The following CLVS2 variants were observed in gnomAD, a reference collection of about 807,000 sequenced individuals.
The protein encoded by CLVS2 is clavesin 2, also known as clavesin-2.
In CLVS2, 19 loss-of-function variants were observed where a neutral mutation model predicts 29.0. The observed-to-expected ratio is 0.66, with a 90% CI of 0.46 to 0.96. The LOEUF (loss-of-function observed/expected upper bound fraction) is 0.96. CLVS2 is among the 40% of genes least tolerant of loss of function. The pLI, the probability that CLVS2 is intolerant of heterozygous loss-of-function variation, is 0.00. For missense variants in CLVS2, 294 were observed against 404.1 expected (o/e 0.73, Z 2.34); for synonymous variants, 161 against 151.3 (o/e 1.06, Z -0.47).
intron 3 of CLVS2, among the ~76,000 whole-genome samples, chr6:123,025,530 G>T (rs937034508): frequency 2.6e-5 from 4 of 152,134 alleles, no homozygotes. Flanking sequence ...AACTGTAATG[G>T]ATAGTGCGGT....
intron 2 of CLVS2, among the ~76,000 whole-genome samples, chr6:123,001,029 G>C: frequency 6.6e-6 from 1 of 152,170 alleles, no homozygotes; most frequent in East Asian, 1.9e-4. Context: ...CTAACAAAAA[G>C]ACTGTCATGT....
At chr6:123,009,388 C>T (rs1170644068) in intron 2 of CLVS2, among the ~76,000 whole-genome samples, 1 of 152,124 alleles carries the variant, frequency 6.6e-6, no homozygotes, top group Non-Finnish European at 1.5e-5. Context: ...CTGTTCCAAA[C>T]TGCTGATTTT....
intron 5 of CLVS2, among the ~76,000 whole-genome samples, chr6:123,058,460 A>AT (rs1261799357): frequency 6.6e-6 from 1 of 151,858 alleles, no homozygotes; most frequent in Non-Finnish European, 1.5e-5. Flanking sequence ...ACGTGAGCAC[A>AT]TTTTTCTCTG....
chr6:123,010,304 T>C (rs1194536010), intron 2 of CLVS2, among the ~76,000 whole-genome samples: 1 of 152,030 alleles, frequency 6.6e-6, no homozygotes, highest in African/African-American at 2.4e-5. Flanking sequence ...AGAGCATTTA[T>C]TGGGTTACTG....
chr6:123,003,778 T>A (rs1454873861), intron 2 of CLVS2, among the ~76,000 whole-genome samples: 1 of 152,194 alleles, frequency 6.6e-6, no homozygotes, highest in Non-Finnish European at 1.5e-5. Context: ...TGGGGACAGG[T>A]GGGCAGCTGT....
intron 2 of CLVS2, among the ~76,000 whole-genome samples, chr6:123,010,409 T>C (rs975441472): frequency 1.3e-5 from 2 of 151,886 alleles, no homozygotes; most frequent in African/African-American, 2.4e-5. Flanking sequence ...ATTAGGATGG[T>C]TTGTATTATT....
intron 5 of CLVS2, among the ~76,000 whole-genome samples, chr6:123,061,193 TG>T (rs1228630323): frequency 6.6e-6 from 1 of 151,818 alleles, no homozygotes; most frequent in East Asian, 1.9e-4. Context: ...CCTGGCTACT[TG>T]GGGGAGGTGG....
intron 3 of CLVS2, among the ~76,000 whole-genome samples, chr6:123,042,342 G>C (rs765748633): frequency 6.6e-6 from 1 of 152,008 alleles, no homozygotes; most frequent in East Asian, 1.9e-4. Flanking sequence ...ATTTATTATT[G>C]CTTTCCTACA....
chr6:123,007,309 G>A (rs1385576371), intron 2 of CLVS2, among the ~76,000 whole-genome samples: 1 of 152,104 alleles, frequency 6.6e-6, no homozygotes, highest in African/African-American at 2.4e-5. Context: ...ATTTTTAAAA[G>A]AGAAAAGGGA....
chr6:123,045,367 G>T (rs1772472060), intron 3 of CLVS2, among the ~76,000 whole-genome samples: 1 of 152,032 alleles, frequency 6.6e-6, no homozygotes, highest in Non-Finnish European at 1.5e-5. Context: ...TGGTTTTGAG[G>T]CCACATCCCT....
At chr6:123,007,292 TATC>T (rs1268860703) in intron 2 of CLVS2, among the ~76,000 whole-genome samples, 1 of 152,186 alleles carries the variant, frequency 6.6e-6, no homozygotes, top group Non-Finnish European at 1.5e-5. Flanking sequence ...TAACTATTAT[TATC>T]ATCATTTTTA....
intron 2 of CLVS2, among the ~76,000 whole-genome samples, chr6:123,001,572 C>G (rs143976792): frequency 6.6e-6 from 1 of 152,160 alleles, no homozygotes; most frequent in Non-Finnish European, 1.5e-5. Flanking sequence ...TTTCTGACAA[C>G]AAAAGTAAAT....
At chr6:123,003,119 C>A (rs1191715732) in intron 2 of CLVS2, among the ~76,000 whole-genome samples, 1 of 152,162 alleles carries the variant, frequency 6.6e-6, no homozygotes, top group Non-Finnish European at 1.5e-5. Flanking sequence ...AGGACAATCT[C>A]CAAAAACTGG....
intron 3 of CLVS2, among the ~76,000 whole-genome samples, chr6:123,045,747 T>C (rs895340627): frequency 2.0e-5 from 3 of 152,114 alleles, no homozygotes; most frequent in Admixed American, 6.6e-5. Context: ...CACGGTTTAA[T>C]AGTGGACGCA....
Position 123,066,412 on chromosome 6 carries a change from C to T in CLVS2, c.*2651C>T, listed in dbSNP as rs1317294781. On this transcript the variant is annotated 3_prime_UTR_variant, in exon 6 of 6. Transcript: ENST00000275162. ...CACACTAACACACTAGACTGTTTGC[C>T]CTAATGAATTTTCCTCTGTACTTCG... 1 of 151,160 alleles carries T rather than the reference C, an allele frequency of 6.6e-6. No individual in the cohort carries two copies. The highest frequency in any genetic ancestry group is 1.5e-5 in the Non-Finnish European group (1 of 67,448). The allele number at this position is 151,160 out of a possible 1,614,324, so 9.4% of individuals were successfully genotyped here. A position where few individuals can be genotyped will look rare whatever the true frequency, so the allele number is the denominator to read the frequency against.
chr6:123,014,731 A>C (rs1007649797), intron 3 of CLVS2, among the ~76,000 whole-genome samples: 1 of 152,126 alleles, frequency 6.6e-6, no homozygotes, highest in Non-Finnish European at 1.5e-5. Context: ...GTGACTACAT[A>C]AACTGTGATG....
chr6:123,045,691 G>A (rs146233286), intron 3 of CLVS2, among the ~76,000 whole-genome samples: 1 of 152,144 alleles, frequency 6.6e-6, no homozygotes, highest in South Asian at 2.1e-4. Context: ...TACAGGCCAG[G>A]CACCAATAGA....
intron 2 of CLVS2, among the ~76,000 whole-genome samples, chr6:123,008,077 C>T (rs1422406889): frequency 1.3e-5 from 2 of 152,128 alleles, no homozygotes; most frequent in African/African-American, 2.4e-5. Flanking sequence ...GAGGAATAGC[C>T]TGCTGAGCTG....
At chr6:123,033,373 G>A (rs1215056292) in intron 3 of CLVS2, among the ~76,000 whole-genome samples, 3 of 152,006 alleles carry the variant, frequency 2.0e-5, no homozygotes, top group Non-Finnish European at 4.4e-5. Flanking sequence ...GATAAACATA[G>A]ATCAATAGAA....
Sources: gnomAD v4.1 joint callset for allele counts (sites outside exome capture counted in the v4.1 genomes callset) on GRCh38, gnomAD v4.1.1 for gene constraint, MANE v1.5 for transcripts, NCBI Gene and HGNC (gene_info 2026-07-23, HGNC 2026-07-21) for gene names.